The following TRIM59 variants were observed in gnomAD, a reference collection of about 807,000 sequenced individuals.
TRIM59 encodes tripartite motif containing 59.
A neutral mutation model predicts 32.2 loss-of-function variants in TRIM59; 14 were observed. That is an observed-to-expected ratio of 0.43 (90% CI 0.29 to 0.68). The LOEUF (loss-of-function observed/expected upper bound fraction) is 0.68. Among genes scored for constraint, TRIM59 ranks in the 30% least tolerant of loss-of-function variants. The pLI, the probability that TRIM59 is intolerant of heterozygous loss-of-function variation, is 0.15. For synonymous variants in TRIM59, 163 were observed against 155.1 expected (o/e 1.05, Z -0.38); for missense variants, 471 against 463.3 (o/e 1.02, Z -0.15).
chr3:160,443,323 T>TA (rs55754522), intron 2 of TRIM59, among the ~76,000 whole-genome samples: 21,963 of 151,968 alleles, frequency 0.14, 2,138 homozygotes, highest in Non-Finnish European at 0.21. Flanking sequence ...TTCCAAACAG[T>TA]AAAAACATCA....
At position 160,437,395 on chromosome 3, in the gene TRIM59, C is replaced by G; in HGVS notation, c.*577G>C. 1.0e-6 allele frequency: 1 copy of G among 985,312 alleles called. No homozygotes were observed. Among genetic ancestry groups the G allele is most frequent in the Non-Finnish European group, 1.2e-6 (1 of 829,934 alleles). 61.0% of individuals were successfully genotyped at this position (985,312 alleles called of 1,614,324 possible). A position where few individuals can be genotyped will look rare whatever the true frequency, so the allele number is the denominator to read the frequency against. On this transcript the variant is annotated 3_prime_UTR_variant, in exon 3 of 3. Transcript: ENST00000309784. Reference sequence around the variant, plus strand: ...AAGCCACTTTACTCTAACAGTTATCCAAAAGCAATAGTTTTATTTGGAGTG... The same window carrying G: ...AAGCCACTTTACTCTAACAGTTATCGAAAAGCAATAGTTTTATTTGGAGTG...
At chr3:160,440,188 T>C (rs1719169310) in intron 2 of TRIM59, among the ~76,000 whole-genome samples, 1 of 152,244 alleles carries the variant, frequency 6.6e-6, no homozygotes, top group Non-Finnish European at 1.5e-5. Flanking sequence ...CTTGCAGATT[T>C]AGAAGACAGA....
In TRIM59 at chr3:160,438,781, G is replaced by C; in HGVS notation, c.403C>G (p.Gln135Glu). 1 of 1,613,916 alleles carries C rather than the reference G, an allele frequency of 6.2e-7. No homozygotes were observed. Among genetic ancestry groups the C allele is most frequent in the Non-Finnish European group, 8.5e-7 (1 of 1,179,910 alleles). Residue 135 changes from glutamine to glutamate, a missense_variant, in exon 3 of 3, where the codon CAA becomes GAA. By Grantham distance (29) the Gln-to-Glu change is conservative (BLOSUM62 2). Coordinates refer to ENST00000309784, the MANE Select transcript of TRIM59 (RefSeq NM_173084.3). Reference protein sequence around the residue: ...QHHGHPIDDLQSAYLKEKDTP... With the variant: ...QHHGHPIDDLESAYLKEKDTP... ...TCCTTTTCTTTCAAATAGGCACTTT[G>C]AAGGTCATCTATAGGATGACCATGA... is the stretch of plus-strand genomic sequence containing the variant.
Position 160,436,101 on chromosome 3 carries a change from G to T in TRIM59, c.*1871C>A. ...CTTACCTCTACTATGCCCTTTAAAT[G>T]TTCTTTGCCCACACAATAGTTAATT... On this transcript the variant is annotated 3_prime_UTR_variant, in exon 3 of 3. Coordinates refer to ENST00000309784, the MANE Select transcript of TRIM59 (RefSeq NM_173084.3). 1 of 1,096,418 alleles carries T rather than the reference G, an allele frequency of 9.1e-7. No individual in the cohort carries two copies. Among genetic ancestry groups the T allele is most frequent in the Non-Finnish European group, 1.1e-6 (1 of 892,516 alleles). 67.9% of individuals were successfully genotyped at this position (1,096,418 alleles called of 1,614,324 possible).
intron 1 of TRIM59, 187 bp from the exon 2 acceptor site, chr3:160,448,982 A>C (rs1719677527): frequency 3.3e-6 from 1 of 301,886 alleles, no homozygotes; most frequent in Non-Finnish European, 6.4e-6. Flanking sequence ...GAAAATCCTA[A>C]CTCTGACCAA....
Position 160,436,158 on chromosome 3 carries a change from A to G in TRIM59, c.*1814T>C, listed in dbSNP as rs191253727. The G allele has an allele frequency of 2.3e-4, 235 of 1,031,736 alleles. No homozygotes were observed. The highest frequency in any genetic ancestry group is 2.8e-4 in the Admixed American group (5 of 17,618). 63.9% of individuals were successfully genotyped at this position (1,031,736 alleles called of 1,614,324 possible). On this transcript the variant is annotated 3_prime_UTR_variant, in exon 3 of 3. Coordinates refer to ENST00000309784, the MANE Select transcript of TRIM59 (RefSeq NM_173084.3). ...GGTATAAGTCTGATTCTAATAATAA[A>G]TTGATATAATACAGTCATCTTAGTG...
At chr3:160,444,535 TATA>T (rs1719419551) in intron 2 of TRIM59, among the ~76,000 whole-genome samples, 2 of 152,222 alleles carry the variant, frequency 1.3e-5, no homozygotes, top group Non-Finnish European at 2.9e-5. Flanking sequence ...TGAGCTGTCC[TATA>T]ATGTGACTTT....
At position 160,437,294 on chromosome 3, in the gene TRIM59, CAGTGAGTCATGACCAG is replaced by C; in HGVS notation, c.*662_*677del. The C allele has an allele frequency of 2.3e-6, 2 of 858,192 alleles. No homozygotes were observed. Among genetic ancestry groups the C allele is most frequent in the Non-Finnish European group, 2.8e-6 (2 of 714,168 alleles). 53.2% of individuals were successfully genotyped at this position (858,192 alleles called of 1,614,324 possible). ...GATTGAGCCTGGGTGGTCGAAACTGCAGTGAGTCATGACCAGACAACTACACTCCAGCCTGGGCAAC... is the reference window on the plus strand; with the variant it reads ...GATTGAGCCTGGGTGGTCGAAACTGCACAACTACACTCCAGCCTGGGCAAC... On this transcript the variant is annotated 3_prime_UTR_variant, in exon 3 of 3. Transcript: ENST00000309784.
chr3:160,437,423 T>A lies in TRIM59; in HGVS notation c.*549A>T. 3.0e-6 allele frequency: 3 copies of A among 985,452 alleles called. No individual in the cohort carries two copies. Among genetic ancestry groups the A allele is most frequent in the Non-Finnish European group, 3.6e-6 (3 of 829,932 alleles). 61.0% of individuals were successfully genotyped at this position (985,452 alleles called of 1,614,324 possible). On this transcript the variant is annotated 3_prime_UTR_variant, in exon 3 of 3. Coordinates refer to ENST00000309784, the MANE Select transcript of TRIM59 (RefSeq NM_173084.3). Reference sequence around the variant, plus strand: ...AAGCAATAGTTTTATTTGGAGTGAATGGTGATAAGCATTTAGGGCTCTTAA... The same window carrying A: ...AAGCAATAGTTTTATTTGGAGTGAAAGGTGATAAGCATTTAGGGCTCTTAA...
At position 160,437,135 on chromosome 3, in the gene TRIM59, T is replaced by C. The variant is rs976603036; in HGVS notation, c.*837A>G. ...GGGAGGCCAAGGTGGGCAGATCTCT[T>C]GAGCCCAGAAGTTTGAGACCAACCT... On this transcript the variant is annotated 3_prime_UTR_variant, in exon 3 of 3. Coordinates refer to ENST00000309784, the MANE Select transcript of TRIM59 (RefSeq NM_173084.3). The C allele has an allele frequency of 3.8e-5, 35 of 910,696 alleles. No homozygotes were observed. The highest frequency in any genetic ancestry group is 4.6e-5 in the Non-Finnish European group (35 of 762,030). 56.4% of individuals were successfully genotyped at this position (910,696 alleles called of 1,614,324 possible).
In TRIM59 at chr3:160,438,296, T is replaced by C; in HGVS notation, c.888A>G (p.Gln296=). Reference sequence around the variant, plus strand: ...TTTTGGGAATGAGAACGTTCTTAATTTGTCCAATTTCTGTTCTGCTCCATT... The same window carrying C: ...TTTTGGGAATGAGAACGTTCTTAATCTGTCCAATTTCTGTTCTGCTCCATT... ...KEEWSRTEIG[Q]IKNVLIPKMK... The change falls in exon 3 of 3, where the codon CAA becomes CAG. Residue 296 remains glutamine (Q), a synonymous_variant. Coordinates refer to ENST00000309784, the MANE Select transcript of TRIM59 (RefSeq NM_173084.3). 6.2e-7 allele frequency: 1 copy of C among 1,613,864 alleles called. No homozygotes were observed. The highest frequency in any genetic ancestry group is 8.5e-7 in the Non-Finnish European group (1 of 1,179,974).
Position 160,436,998 on chromosome 3 carries a change from C to T in TRIM59, c.*974G>A, listed in dbSNP as rs114321715. ...TTAATCCAAGAACTGATTTGACTGA[C>T]GAGCAGAAAAAAAAACAATCTTAAA... On this transcript the variant is annotated 3_prime_UTR_variant, in exon 3 of 3. Transcript: ENST00000309784. 36,762 of 984,474 alleles carry T rather than the reference C, an allele frequency of 0.037. 742 individuals are homozygous for T. Among genetic ancestry groups the T allele is most frequent in the Non-Finnish European group, 0.041 (33,783 of 829,592 alleles). 61.0% of individuals were successfully genotyped at this position (984,474 alleles called of 1,614,324 possible).
In TRIM59 at chr3:160,449,022, A is replaced by G. The variant is rs994558972; in HGVS notation, c.-73-227T>C. On this transcript the variant is annotated intron_variant, in intron 1 of 2. Coordinates refer to ENST00000309784, the MANE Select transcript of TRIM59 (RefSeq NM_173084.3). Reference sequence around the variant, plus strand: ...ACTGTCACAAAGGACCTCTTTTCACAACGTCAAGTAGCTTATGAGCTCTCG... The same window carrying G: ...ACTGTCACAAAGGACCTCTTTTCACGACGTCAAGTAGCTTATGAGCTCTCG... The G allele has an allele frequency of 2.5e-5, 7 of 274,594 alleles. No individual in the cohort carries two copies. The East Asian group carries it at 8.0e-4, about 32-fold the overall frequency. 17.0% of individuals were successfully genotyped at this position (274,594 alleles called of 1,614,324 possible). A position where few individuals can be genotyped will look rare whatever the true frequency, so the allele number is the denominator to read the frequency against.
In TRIM59 at chr3:160,437,269, G is replaced by A. The variant is rs1007490280; in HGVS notation, c.*703C>T. ...CTCCAGAGGCAGAGGCGGGAGGATC[G>A]ATTGAGCCTGGGTGGTCGAAACTGC... is the stretch of plus-strand genomic sequence containing the variant. On this transcript the variant is annotated 3_prime_UTR_variant, in exon 3 of 3. Coordinates refer to ENST00000309784, the MANE Select transcript of TRIM59 (RefSeq NM_173084.3). The A allele has an allele frequency of 1.6e-5, 11 of 667,814 alleles. No homozygotes were observed. Among genetic ancestry groups the A allele is most frequent in the African/African-American group, 1.6e-4 (8 of 50,608 alleles). The allele number at this position is 667,814 out of a possible 1,614,324, so 41.4% of individuals were successfully genotyped here.
intron 2 of TRIM59, among the ~76,000 whole-genome samples, chr3:160,440,555 C>A (rs1719188946): frequency 6.6e-6 from 1 of 152,162 alleles, no homozygotes; most frequent in African/African-American, 2.4e-5. Context: ...GACTAGCTTA[C>A]CCCTTGATAG....
At position 160,439,179 on chromosome 3, in the gene TRIM59, T is replaced by G; in HGVS notation, c.5A>C (p.His2Pro). The G allele has an allele frequency of 6.7e-7, 1 of 1,490,604 alleles. No homozygotes were observed. Among genetic ancestry groups the G allele is most frequent in the South Asian group, 1.5e-5 (1 of 66,588 alleles). The allele number at this position is 1,490,604 out of a possible 1,614,324, so 92.3% of individuals were successfully genotyped here. A position where few individuals can be genotyped will look rare whatever the true frequency, so the allele number is the denominator to read the frequency against. Reference protein sequence around the residue: MHNFEEELTCPI... With the variant: MPNFEEELTCPI... Reference sequence around the variant, plus strand: ...ACAAGTTAACTCTTCCTCAAAATTGTGCATTTCCTGTCAAGAGAAAAATGT... The same window carrying G: ...ACAAGTTAACTCTTCCTCAAAATTGGGCATTTCCTGTCAAGAGAAAAATGT... The change falls in exon 3 of 3, where the codon CAC (histidine) becomes CCC (proline). Residue 2 changes from histidine (H) to proline (P), a missense_variant. Transcript: ENST00000309784.
chr3:160,442,109 G>C (rs754135407), intron 2 of TRIM59, among the ~76,000 whole-genome samples: 6 of 152,178 alleles, frequency 3.9e-5, no homozygotes, highest in Non-Finnish European at 7.3e-5. Flanking sequence ...AATTTGAGCA[G>C]TCGACGTACA....
In TRIM59 at chr3:160,437,041, A is replaced by T. The variant is rs1719012854; in HGVS notation, c.*931T>A. Reference sequence around the variant, plus strand: ...ATCTTAAATTTGCACAAACTATAGAATATGACAAGTATTAGAAAATGCTGG... The same window carrying T: ...ATCTTAAATTTGCACAAACTATAGATTATGACAAGTATTAGAAAATGCTGG... On this transcript the variant is annotated 3_prime_UTR_variant, in exon 3 of 3. Coordinates refer to ENST00000309784, the MANE Select transcript of TRIM59 (RefSeq NM_173084.3). The T allele has an allele frequency of 1.0e-6, 1 of 985,264 alleles. No individual in the cohort carries two copies. Among genetic ancestry groups the T allele is most frequent in the African/African-American group, 1.7e-5 (1 of 57,228 alleles). The allele number at this position is 985,264 out of a possible 1,614,324, so 61.0% of individuals were successfully genotyped here.
chr3:160,443,903 G>A lies in TRIM59; in HGVS notation c.-3-4717C>T, dbSNP rs1719387381. 2.0e-5 allele frequency among the ~76,000 whole-genome samples: 3 copies of A among 152,132 alleles called. No individual in the cohort carries two copies. In the South Asian group the frequency reaches 6.2e-4, roughly 31 times the overall value. ...GATCCACCTGCCTCGACCTCCCAAAGTGCTGTGATTTCAGGCATGCAGAAG... is the reference window on the plus strand; with the variant it reads ...GATCCACCTGCCTCGACCTCCCAAAATGCTGTGATTTCAGGCATGCAGAAG... On this transcript the variant is annotated intron_variant, in intron 2 of 2. Transcript: ENST00000309784.
Sources: allele counts gnomAD v4.1 joint callset (sites outside exome capture counted in the v4.1 genomes callset), GRCh38; gene constraint gnomAD v4.1.1; transcripts MANE v1.5; gene names NCBI Gene and HGNC (gene_info 2026-07-23, HGNC 2026-07-21).